The following CHERP variants were observed in gnomAD, a reference collection of about 807,000 sequenced individuals.
CHERP encodes the protein calcium homeostasis endoplasmic reticulum protein.
In CHERP, 8 loss-of-function variants were observed where a neutral mutation model predicts 113.8. The ratio of observed to expected loss-of-function variants is 0.07; its 90% CI spans 0.04 to 0.13. The LOEUF (loss-of-function observed/expected upper bound fraction) is 0.13. Ranked by LOEUF, CHERP falls within the 10% of genes least tolerant of loss-of-function variation. The pLI, the probability that CHERP is intolerant of heterozygous loss-of-function variation, is 1.00. For synonymous variants in CHERP, 559 were observed against 524.5 expected, an observed-to-expected ratio of 1.07 and a Z score of -0.90; for missense variants, 884 against 1,298.2, an observed-to-expected ratio of 0.68 and a Z score of 4.90.
chr19:16,541,610 C>T (rs2085780202), intron 2 of CHERP: 3 of 424,254 alleles, frequency 7.1e-6, no homozygotes, highest in Non-Finnish European at 8.4e-6. Flanking sequence ...TCTCCGTCAT[C>T]AGTCTGCAAA....
At position 16,535,722 on chromosome 19, in the gene CHERP, T is replaced by G; in HGVS notation, c.200-86A>C. On this transcript the variant is annotated intron_variant, in intron 2 of 16. Transcript: ENST00000546361. This position sits in a 1 kb window ranked among gnomAD's most constrained non-coding sequence, Gnocchi z 4.3. ...TGGCCACCTCTCAGCCACAGGGGCC[T>G]CCCCCTCCCCAGGGACTCACCATCC... is the stretch of plus-strand genomic sequence containing the variant. The G allele has an allele frequency of 1.6e-6, 2 of 1,273,572 alleles. No individual in the cohort carries two copies. The highest frequency in any genetic ancestry group is 1.1e-6 in the Non-Finnish European group (1 of 951,824). The allele number at this position is 1,273,572 out of a possible 1,614,324, so 78.9% of individuals were successfully genotyped here.
chr19:16,522,682 A>C (rs918507918), intron 11 of CHERP, among the ~76,000 whole-genome samples: 1 of 152,102 alleles, frequency 6.6e-6, no homozygotes, highest in African/African-American at 2.4e-5. Flanking sequence ...CTTGGTAGGC[A>C]CAGCTCACAG....
Position 16,529,864 on chromosome 19 carries a change from G to C in CHERP, c.913C>G (p.Pro305Ala), listed in dbSNP as rs1402095599. 3 of 1,613,742 alleles carry C rather than the reference G, an allele frequency of 1.9e-6. No individual in the cohort carries two copies. The highest frequency in any genetic ancestry group is 1.7e-6 in the Non-Finnish European group (2 of 1,179,962). The change falls in exon 8 of 17, where the codon CCG becomes GCG. Residue 305 changes from proline to alanine, a missense_variant. By Grantham distance (27) the Pro-to-Ala change is conservative (BLOSUM62 -1). This residue lies in a region of CHERP where 464 missense variants were observed against 590.1 expected (regional missense o/e 0.79). Transcript: ENST00000546361. ...LINEYSSVVQ[P>A]VQLAFQQQIQ... ...TGCTGCTGGAAGGCCAGCTGCACCGGCTGGACCACTGAGGAGTACTCGTTG... is the reference window on the plus strand; with the variant it reads ...TGCTGCTGGAAGGCCAGCTGCACCGCCTGGACCACTGAGGAGTACTCGTTG...
intron 9 of CHERP, among the ~76,000 whole-genome samples, chr19:16,526,655 C>T (rs951579425): frequency 1.3e-5 from 2 of 152,006 alleles, no homozygotes; most frequent in African/African-American, 2.4e-5. Context: ...TTAGTAGAGG[C>T]GAGGTTTCAC....
Position 16,519,071 on chromosome 19 carries a change from C to T in CHERP, c.*88G>A, listed in dbSNP as rs1599743643. 2.5e-6 allele frequency: 3 copies of T among 1,194,296 alleles called. No homozygotes were observed. 74.0% of individuals were successfully genotyped at this position (1,194,296 alleles called of 1,614,324 possible). A position where few individuals can be genotyped will look rare whatever the true frequency, so the allele number is the denominator to read the frequency against. Reference sequence around the variant, plus strand: ...AAGTGGAGACGGTGTAAGAACTGAGCTGTCACTGCAATCTTCCTCTGCCAG... The same window carrying T: ...AAGTGGAGACGGTGTAAGAACTGAGTTGTCACTGCAATCTTCCTCTGCCAG... On this transcript the variant is annotated 3_prime_UTR_variant, in exon 17 of 17. Transcript: ENST00000546361. The surrounding 1 kb of genome is among the most constrained non-coding windows in gnomAD (Gnocchi z 6.0).
In CHERP at chr19:16,519,414, G is replaced by A; in HGVS notation, c.2558-62C>T. On this transcript the variant is annotated intron_variant, in intron 16 of 16. Transcript: ENST00000546361. The surrounding 1 kb of genome is among the most constrained non-coding windows in gnomAD (Gnocchi z 6.0). ...GGAGGCAGATGGGGGTGCACGTGGG[G>A]GGCTGAATGTCCAGACAGGCAGTGT... 6.6e-7 allele frequency: 1 copy of A among 1,523,700 alleles called. No individual in the cohort carries two copies. Among genetic ancestry groups the A allele is most frequent in the Admixed American group, 1.8e-5 (1 of 54,568 alleles). 94.4% of individuals were successfully genotyped at this position (1,523,700 alleles called of 1,614,324 possible).
At chr19:16,529,035 C>T (rs1220032317) in intron 8 of CHERP, among the ~76,000 whole-genome samples, 3 of 152,196 alleles carry the variant, frequency 2.0e-5, no homozygotes, top group Non-Finnish European at 4.4e-5. Context: ...AGAAGTGACA[C>T]TAGATTGTAT....
chr19:16,530,955 C>T lies in CHERP; in HGVS notation c.675-75G>A, dbSNP rs1311721861. The T allele has an allele frequency of 1.3e-6, 2 of 1,561,514 alleles. No homozygotes were observed. Among genetic ancestry groups the T allele is most frequent in the South Asian group, 1.1e-5 (1 of 87,224 alleles). On this transcript the variant is annotated intron_variant, in intron 5 of 16. Coordinates refer to ENST00000546361, the MANE Select transcript of CHERP (RefSeq NM_006387.6). The surrounding 1 kb of genome is among the most constrained non-coding windows in gnomAD (Gnocchi z 4.1). ...CCACGCGCCCGTTACCATCGCGGCT[C>T]CAGCCTCAGCGCCCTCTGCCTTCTC...
chr19:16,519,911 C>A lies in CHERP; in HGVS notation c.2463-196G>T. ...GCTCCAGACGCTGGCCCCCACCCCA[C>A]GCTCAGCATTGAGAGCAGGACACCT... On this transcript the variant is annotated intron_variant, in intron 15 of 16. Coordinates refer to ENST00000546361, the MANE Select transcript of CHERP (RefSeq NM_006387.6). The surrounding 1 kb of genome is among the most constrained non-coding windows in gnomAD (Gnocchi z 6.0). The A allele has an allele frequency of 1.5e-6, 1 of 664,624 alleles. No homozygotes were observed. Among genetic ancestry groups the A allele is most frequent in the South Asian group, 1.8e-5 (1 of 56,330 alleles). The allele number at this position is 664,624 out of a possible 1,614,324, so 41.2% of individuals were successfully genotyped here.
chr19:16,535,438 C>T lies in CHERP; in HGVS notation c.384+14G>A, dbSNP rs773829701. 10 of 1,604,210 alleles carry T rather than the reference C, an allele frequency of 6.2e-6. No individual in the cohort carries two copies. Among genetic ancestry groups the T allele is most frequent in the Admixed American group, 1.7e-5 (1 of 58,728 alleles). On this transcript the variant is annotated intron_variant, in intron 3 of 16. Transcript: ENST00000546361. This position sits in a 1 kb window ranked among gnomAD's most constrained non-coding sequence, Gnocchi z 4.3. ...AGCTGCTGGTGTCTGGCCGAGGAGG[C>T]GGCGGGCCCATACCTGTCTGAGCGC...
At chr19:16,529,566 C>G in intron 8 of CHERP, 82 bp downstream of exon 8, 2 of 1,466,932 alleles carry the variant, frequency 1.4e-6, no homozygotes, top group Non-Finnish European at 1.8e-6. Flanking sequence ...CTGAGGGTGG[C>G]AGACTGCTTT....
chr19:16,534,779 A>C (rs929283886), intron 3 of CHERP, among the ~76,000 whole-genome samples: 16 of 152,076 alleles, frequency 1.1e-4, no homozygotes, highest in Middle Eastern at 3.2e-3. Flanking sequence ...CAGCCAATGC[A>C]CCTGTATTCT....
chr19:16,530,801 C>A lies in CHERP; in HGVS notation c.754G>T (p.Val252Leu). Residue 252 changes from valine (V) to leucine (L), a missense_variant, in exon 6 of 17, where the codon GTG becomes TTG. Val to Leu is a conservative substitution (Grantham distance 32). Around this residue, in one of 8 missense-constraint regions of CHERP, gnomAD observed 73 missense variants for 182.4 expected, o/e 0.40. Coordinates refer to ENST00000546361, the MANE Select transcript of CHERP (RefSeq NM_006387.6). This position sits in a 1 kb window ranked among gnomAD's most constrained non-coding sequence, Gnocchi z 4.1. ...ATCTTCTGCTGCTTGTCTTCCTCCA[C>A]GGCCAAGAAGCTGGTGCAGTAGATG... ...VPIYCTSFLA[V>L]EEDKQQKIAR... 1 of 1,613,958 alleles carries A rather than the reference C, an allele frequency of 6.2e-7. No homozygotes were observed.
rs560504043 is a variant in CHERP at position 16,525,819 on chromosome 19, C to T, written c.1306-142G>A. ...CACGTTGAGGCGCCTCCTACGCTGA[C>T]GCCTGCGAGGATGCTGGGCACCTGC... On this transcript the variant is annotated intron_variant, in intron 9 of 16. Coordinates refer to ENST00000546361, the MANE Select transcript of CHERP (RefSeq NM_006387.6). The surrounding 1 kb of genome is among the most constrained non-coding windows in gnomAD (Gnocchi z 6.5). 9.9e-6 allele frequency: 7 copies of T among 709,026 alleles called. No individual in the cohort carries two copies. Among genetic ancestry groups the T allele is most frequent in the East Asian group, 3.2e-5 (1 of 31,144 alleles). 43.9% of individuals were successfully genotyped at this position (709,026 alleles called of 1,614,324 possible).
At chr19:16,541,492 C>G (rs1416771589) in intron 2 of CHERP, 1 of 188,534 alleles carries the variant, frequency 5.3e-6, no homozygotes, top group Non-Finnish European at 1.1e-5. Flanking sequence ...GCTGGACCCA[C>G]AGGGAGACGG....
intron 11 of CHERP, among the ~76,000 whole-genome samples, chr19:16,521,887 C>T (rs2085619053): frequency 6.6e-6 from 1 of 152,252 alleles, no homozygotes; most frequent in Non-Finnish European, 1.5e-5. Context: ...ACAGGGTTCT[C>T]TCTTCAGAAA....
chr19:16,528,029 C>A (rs1278292741), intron 9 of CHERP, 51 bp downstream of exon 9: 1 of 1,578,830 alleles, frequency 6.3e-7, no homozygotes, highest in Admixed American at 1.7e-5. Context: ...GAGGCTACCC[C>A]ATCAGGCCAA....
chr19:16,537,416 T>G (rs569137472), intron 2 of CHERP, among the ~76,000 whole-genome samples: 49 of 152,258 alleles, frequency 3.2e-4, no homozygotes, highest in African/African-American at 1.2e-3. Flanking sequence ...TGGCTGCGAT[T>G]GTGCATGGTG....
At chr19:16,536,629 C>A (rs998096218) in intron 2 of CHERP, among the ~76,000 whole-genome samples, 6 of 152,208 alleles carry the variant, frequency 3.9e-5, no homozygotes, top group Non-Finnish European at 7.3e-5. Context: ...GAATCCCACC[C>A]CTCCCACTGT....
Sources: gnomAD v4.1 joint callset for allele counts (sites outside exome capture counted in the v4.1 genomes callset) on GRCh38, gnomAD v4.1.1 for gene constraint, gnomAD v4.1.1 regional missense constraint, Gnocchi (gnomAD v3.1) non-coding constraint, MANE v1.5 for transcripts, NCBI Gene and HGNC (gene_info 2026-07-23, HGNC 2026-07-21) for gene names.